PTPRG: variants seen among roughly 807,000 people sequenced by gnomAD.
PTPRG encodes receptor-type tyrosine-protein phosphatase gamma.
PTPRG carries 102 observed loss-of-function variants against 165.3 expected under a neutral mutation model. The ratio of observed to expected loss-of-function variants is 0.62; its 90% CI spans 0.53 to 0.73. PTPRG has a LOEUF of 0.73. Among genes scored for constraint, PTPRG ranks in the 30% least tolerant of loss-of-function variants. The pLI, the probability that PTPRG is intolerant of heterozygous loss-of-function variation, is 0.00. For synonymous variants in PTPRG, 675 were observed against 669.5 expected (o/e 1.01, Z -0.13); for missense variants, 1,866 against 1,861.4 (o/e 1.00, Z -0.05).
intron 1 of PTPRG, among the ~76,000 whole-genome samples, chr3:61,681,665 G>C (rs1248381440): frequency 6.6e-6 from 1 of 152,044 alleles, no homozygotes; most frequent in Non-Finnish European, 1.5e-5. Context: ...ATTTCTATAG[G>C]GTTTAGATGA....
At chr3:62,003,956 T>G (rs1245128607) in intron 4 of PTPRG, among the ~76,000 whole-genome samples, 2 of 152,180 alleles carry the variant, frequency 1.3e-5, no homozygotes, top group African/African-American at 4.8e-5. Flanking sequence ...AAAGAGGCTG[T>G]GGTGGTATGA....
chr3:61,839,893 T>G (rs182675299), intron 2 of PTPRG, among the ~76,000 whole-genome samples: 11 of 152,294 alleles, frequency 7.2e-5, no homozygotes, highest in Admixed American at 2.0e-4. Flanking sequence ...TCAATGCATT[T>G]GGTATTTATT....
chr3:61,710,026 CG>C (rs1472140388), intron 1 of PTPRG, among the ~76,000 whole-genome samples: 4 of 152,154 alleles, frequency 2.6e-5, no homozygotes, highest in African/African-American at 7.2e-5. Flanking sequence ...CCAGTACTTC[CG>C]GGTGTTTGCC....
At chr3:61,626,939 A>G (rs1014528451) in intron 1 of PTPRG, among the ~76,000 whole-genome samples, 5 of 152,176 alleles carry the variant, frequency 3.3e-5, no homozygotes, top group African/African-American at 9.7e-5. Flanking sequence ...AAAACCCACA[A>G]TGAGGGGAAT....
intron 5 of PTPRG, among the ~76,000 whole-genome samples, chr3:62,097,839 C>G (rs944805686): frequency 6.6e-6 from 1 of 152,068 alleles, no homozygotes; most frequent in African/African-American, 2.4e-5. Context: ...TCGTGAAGCA[C>G]TTTTTAGAAG....
At chr3:61,595,417 C>A (rs767189855) in intron 1 of PTPRG, among the ~76,000 whole-genome samples, 1 of 152,160 alleles carries the variant, frequency 6.6e-6, no homozygotes, top group South Asian at 2.1e-4. Context: ...GGGAATGTGT[C>A]CTCAAAGTTT....
intron 2 of PTPRG, among the ~76,000 whole-genome samples, chr3:61,862,882 C>T (rs1362349289): frequency 1.3e-5 from 2 of 152,122 alleles, no homozygotes; most frequent in Admixed American, 6.5e-5. Context: ...GGTTCCAAGT[C>T]CCTCCTACTA....
chr3:62,074,180 A>AGTGTGT (rs140019903), intron 4 of PTPRG, among the ~76,000 whole-genome samples: 11,198 of 143,534 alleles, frequency 0.078, 550 homozygotes, highest in East Asian at 0.24. Context: ...AAAAAGTGAG[A>AGTGTGT]GTGTGTGTGT....
chr3:61,572,850 T>C (rs1015996370), intron 1 of PTPRG, among the ~76,000 whole-genome samples: 1 of 152,224 alleles, frequency 6.6e-6, no homozygotes, highest in Admixed American at 6.5e-5. Context: ...AGCTGGTCCC[T>C]GGAGGTGTTT....
intron 1 of PTPRG, among the ~76,000 whole-genome samples, chr3:61,660,202 C>T (rs765071471): frequency 2.0e-4 from 31 of 151,916 alleles, no homozygotes; most frequent in Non-Finnish European, 3.4e-4. Context: ...TCCAGCCTGG[C>T]GACACAGTGA....
intron 2 of PTPRG, among the ~76,000 whole-genome samples, chr3:61,887,170 A>ATATATATATATATATTTTTTT (rs60282456): frequency 8.7e-6 from 1 of 115,524 alleles, no homozygotes; most frequent in African/African-American, 3.3e-5. Context: ...ATATATATAT[A>ATATATATATATATATTTTTTT]TTTTTAATGC....
At chr3:61,562,438 C>T (rs1037410923) in intron 1 of PTPRG, 66 bp downstream of exon 1, 64 of 1,526,566 alleles carry the variant, frequency 4.2e-5, no homozygotes, top group African/African-American at 1.1e-4. Flanking sequence ...GAGTTGTCGC[C>T]TGGGCGCGGA....
intron 9 of PTPRG, among the ~76,000 whole-genome samples, chr3:62,193,206 T>C (rs530625674): frequency 6.6e-6 from 1 of 152,344 alleles, no homozygotes; most frequent in Admixed American, 6.5e-5. Flanking sequence ...TGCAGTTTCT[T>C]GTTCTAAGTG....
intron 1 of PTPRG, among the ~76,000 whole-genome samples, chr3:61,687,838 T>A (rs1052633225): frequency 2.6e-5 from 4 of 152,206 alleles, no homozygotes; most frequent in Non-Finnish European, 5.9e-5. Flanking sequence ...ATGACAGTTT[T>A]ATAGTAGGAT....
chr3:62,013,381 A>G (rs1324714441), intron 4 of PTPRG, among the ~76,000 whole-genome samples: 2 of 152,168 alleles, frequency 1.3e-5, no homozygotes, highest in East Asian at 1.9e-4. Flanking sequence ...AGGTGTTTTT[A>G]TGTTGAATTT....
intron 2 of PTPRG, among the ~76,000 whole-genome samples, chr3:61,954,681 A>G (rs2039993582): frequency 6.6e-6 from 1 of 152,208 alleles, no homozygotes; most frequent in African/African-American, 2.4e-5. Flanking sequence ...TGACACTTGT[A>G]AGATACTTCC....
intron 2 of PTPRG, among the ~76,000 whole-genome samples, chr3:61,839,080 A>G (rs1372485464): frequency 1.3e-5 from 2 of 152,226 alleles, no homozygotes; most frequent in Non-Finnish European, 2.9e-5. Context: ...TTAATATTGT[A>G]AGCAAATCTA....
chr3:62,074,834 TGG>T (rs1361396911), intron 4 of PTPRG, among the ~76,000 whole-genome samples: 3 of 152,158 alleles, frequency 2.0e-5, no homozygotes, highest in Non-Finnish European at 4.4e-5. Flanking sequence ...ATAAAATTGA[TGG>T]TAGCTACCCC....
intron 5 of PTPRG, among the ~76,000 whole-genome samples, chr3:62,091,501 G>A (rs527297542): frequency 6.6e-6 from 1 of 152,234 alleles, no homozygotes; most frequent in African/African-American, 2.4e-5. Context: ...ATGGTGGTGA[G>A]GCCATTAGAA....
Sources: allele counts gnomAD v4.1 joint callset (sites outside exome capture counted in the v4.1 genomes callset), GRCh38; gene constraint gnomAD v4.1.1; transcripts MANE v1.5; gene names NCBI Gene and HGNC (gene_info 2026-07-23, HGNC 2026-07-21).